EAF2: variants seen among roughly 807,000 people sequenced by gnomAD.
EAF2 encodes the protein ELL associated factor 2.
A neutral mutation model predicts 29.4 loss-of-function variants in EAF2; 29 were observed. The observed-to-expected ratio is 0.99, with a 90% confidence interval of 0.73 to 1.35. The LOEUF (loss-of-function observed/expected upper bound fraction) is 1.35, where lower values mean the gene tolerates loss of function less well. Ranked by LOEUF, EAF2 falls within the 40% of genes most tolerant of loss-of-function variation. EAF2 has a pLI of 0.00. For missense variants in EAF2, 292 were observed against 312.0 expected, an observed-to-expected ratio of 0.94 and a Z score of 0.48; for synonymous variants, 103 against 102.5, an observed-to-expected ratio of 1.00 and a Z score of -0.03.
At chr3:121,848,575 G>A (rs1708571599) in intron 2 of EAF2, among the ~76,000 whole-genome samples, 1 of 138,494 alleles carries the variant, frequency 7.2e-6, no homozygotes, top group Middle Eastern at 3.6e-3. Context: ...CCCAAGAAAG[G>A]CAGGATCACT....
intron 5 of EAF2, among the ~76,000 whole-genome samples, chr3:121,878,133 A>G (rs1709132530): frequency 6.6e-6 from 1 of 152,170 alleles, no homozygotes; most frequent in African/African-American, 2.4e-5. Flanking sequence ...AAAACTAAAA[A>G]TTTGTTTCTT....
At chr3:121,867,601 A>G (rs1313547832) in intron 4 of EAF2, among the ~76,000 whole-genome samples, 1 of 152,250 alleles carries the variant, frequency 6.6e-6, no homozygotes, top group Non-Finnish European at 1.5e-5. Flanking sequence ...GAAAACTGAA[A>G]GAATTTGTTC....
intron 4 of EAF2, among the ~76,000 whole-genome samples, chr3:121,859,879 G>C (rs1708793776): frequency 6.6e-6 from 1 of 152,192 alleles, no homozygotes; most frequent in Non-Finnish European, 1.5e-5. Context: ...TTTTTAGCAT[G>C]AAGGGCTGTT....
At chr3:121,879,337 T>C (rs1709153357) in intron 5 of EAF2, among the ~76,000 whole-genome samples, 1 of 152,130 alleles carries the variant, frequency 6.6e-6, no homozygotes, top group African/African-American at 2.4e-5. Context: ...CTGTAGATTG[T>C]CTCTTTACTC....
At chr3:121,875,326 T>A (rs888402136) in intron 5 of EAF2, among the ~76,000 whole-genome samples, 16 of 151,886 alleles carry the variant, frequency 1.1e-4, no homozygotes, top group Admixed American at 1.1e-3. Flanking sequence ...TTTTAGAAGG[T>A]GTGGGCATAG....
At chr3:121,845,674 C>G (rs1379022669) in intron 2 of EAF2, among the ~76,000 whole-genome samples, 1 of 151,510 alleles carries the variant, frequency 6.6e-6, no homozygotes, top group Non-Finnish European at 1.5e-5. Context: ...TTTTTAAAAC[C>G]ACTCCTCAAA....
At chr3:121,868,877 T>C (rs1277250149) in intron 4 of EAF2, among the ~76,000 whole-genome samples, 4 of 152,190 alleles carry the variant, frequency 2.6e-5, no homozygotes, top group East Asian at 1.9e-4. Flanking sequence ...CACGATGTAA[T>C]TGACAGATAT....
chr3:121,863,876 T>C (rs576294321), intron 4 of EAF2, among the ~76,000 whole-genome samples: 2 of 152,204 alleles, frequency 1.3e-5, no homozygotes, highest in South Asian at 2.1e-4. Context: ...AAAAAATGAC[T>C]CTTTAGATAT....
chr3:121,840,468 T>TG (rs1708392218), intron 1 of EAF2, among the ~76,000 whole-genome samples: 4 of 90,836 alleles, frequency 4.4e-5, no homozygotes, highest in East Asian at 3.3e-4. Context: ...CCCAGCCTGG[T>TG]GACAGAGGGA....
chr3:121,849,192 C>T (rs1301829517), intron 2 of EAF2, among the ~76,000 whole-genome samples: 1 of 151,996 alleles, frequency 6.6e-6, no homozygotes, highest in Non-Finnish European at 1.5e-5. Context: ...GTATAACTGC[C>T]TAGGAAGCTT....
At chr3:121,846,160 A>G (rs2107504286) in intron 2 of EAF2, among the ~76,000 whole-genome samples, 1 of 152,298 alleles carries the variant, frequency 6.6e-6, no homozygotes, top group East Asian at 1.9e-4. Context: ...ACATATAGCA[A>G]GTAAACTCTC....
At position 121,854,737 on chromosome 3, in the gene EAF2, A is replaced by G; in HGVS notation, c.252A>G (p.Leu84=). The G allele has an allele frequency of 6.4e-7, 1 of 1,567,532 alleles. No homozygotes were observed. The highest frequency in any genetic ancestry group is 2.4e-5 in the East Asian group (1 of 42,266). Residue 84 remains leucine (L), a synonymous_variant, in exon 3 of 6, where the codon TTA becomes TTG. Coordinates refer to ENST00000273668, the MANE Select transcript of EAF2 (RefSeq NM_018456.6). Reference sequence around the variant, plus strand: ...TCAAAGGTTCAAAAAAACCTTACTTAAAAGAATGCATTTTGATTATTAACC... The same window carrying G: ...TCAAAGGTTCAAAAAAACCTTACTTGAAAGAATGCATTTTGATTATTAACC... ...TVFKGSKKPY[L]KECILIINHD... is the part of the protein sequence containing the mutation.
intron 1 of EAF2, chr3:121,836,658 G>C: frequency 1.0e-6 from 1 of 987,790 alleles, no homozygotes; most frequent in Non-Finnish European, 1.2e-6. Flanking sequence ...TCCCCACGAT[G>C]AGATGGTGCT....
intron 2 of EAF2, among the ~76,000 whole-genome samples, chr3:121,849,253 C>T (rs867258386): frequency 2.0e-5 from 3 of 151,984 alleles, no homozygotes; most frequent in South Asian, 2.1e-4. Context: ...TTTAAGAGTA[C>T]GTTTGGTTCT....
Position 121,854,722 on chromosome 3 carries a change from A to G in EAF2, c.237A>G (p.Ser79=). 1 of 1,559,958 alleles carries G rather than the reference A, an allele frequency of 6.4e-7. No homozygotes were observed. Among genetic ancestry groups the G allele is most frequent in the African/African-American group, 1.4e-5 (1 of 71,328 alleles). The change falls in exon 3 of 6, where the codon TCA becomes TCG. Residue 79 remains serine, a synonymous_variant. Coordinates refer to ENST00000273668, the MANE Select transcript of EAF2 (RefSeq NM_018456.6). ...CACCAGTAACTGTTTTCAAAGGTTC[A>G]AAAAAACCTTACTTAAAAGAATGCA... is the stretch of plus-strand genomic sequence containing the variant. ...STPPVTVFKG[S]KKPYLKECIL...
At chr3:121,879,684 A>G (rs1709160022) in intron 5 of EAF2, among the ~76,000 whole-genome samples, 1 of 145,884 alleles carries the variant, frequency 6.9e-6, no homozygotes, top group Middle Eastern at 3.5e-3. Context: ...CCTTTCCCCC[A>G]CAGAATGTTC....
At chr3:121,842,103 G>A (rs1398973961) in intron 1 of EAF2, among the ~76,000 whole-genome samples, 1 of 152,064 alleles carries the variant, frequency 6.6e-6, no homozygotes, top group Non-Finnish European at 1.5e-5. Flanking sequence ...AGAATCGCTC[G>A]AACCCGGAAG....
At chr3:121,863,543 T>C (rs775475138) in intron 4 of EAF2, among the ~76,000 whole-genome samples, 12 of 152,100 alleles carry the variant, frequency 7.9e-5, no homozygotes, top group Non-Finnish European at 1.5e-4. Flanking sequence ...GCTAAGACCA[T>C]TGGAAAAGCA....
intron 5 of EAF2, among the ~76,000 whole-genome samples, chr3:121,881,848 T>G (rs1709195828): frequency 6.6e-6 from 1 of 152,100 alleles, no homozygotes; most frequent in South Asian, 2.1e-4. Context: ...TTCCAGTAAA[T>G]TTGACATAGG....
Sources: allele counts gnomAD v4.1 joint callset (sites outside exome capture counted in the v4.1 genomes callset), GRCh38; gene constraint gnomAD v4.1.1; transcripts MANE v1.5; gene names NCBI Gene and HGNC (gene_info 2026-07-23, HGNC 2026-07-21).